FCHSD2: variants seen among roughly 807,000 people sequenced by gnomAD.
FCHSD2 encodes the protein F-BAR and double SH3 domains protein 2.
Under a neutral mutation model 108.1 loss-of-function variants are expected in FCHSD2, and 38 were observed. That is an observed-to-expected ratio of 0.35 (90% CI 0.27 to 0.46). The LOEUF (loss-of-function observed/expected upper bound fraction) is 0.46, where lower values mean the gene tolerates loss of function less well. Among genes scored for constraint, FCHSD2 ranks in the 20% least tolerant of loss-of-function variants. FCHSD2 has a pLI of 1.00. For synonymous variants in FCHSD2, 279 were observed against 314.7 expected (o/e 0.89, Z 1.20); for missense variants, 751 against 897.8 (o/e 0.84, Z 2.09).
At chr11:73,049,222 A>G (rs1858835276) in intron 3 of FCHSD2, among the ~76,000 whole-genome samples, 1 of 152,180 alleles carries the variant, frequency 6.6e-6, no homozygotes, top group Non-Finnish European at 1.5e-5. Context: ...ATTTAAAGTA[A>G]TAATAACACA....
intron 2 of FCHSD2, among the ~76,000 whole-genome samples, 198 bp from the exon 3 acceptor site, chr11:73,083,938 AC>A (rs1209453886): frequency 6.6e-6 from 1 of 152,208 alleles, no homozygotes; most frequent in Admixed American, 6.5e-5. Flanking sequence ...CCCCAGCTGT[AC>A]CACTTACTAG....
intron 12 of FCHSD2, among the ~76,000 whole-genome samples, chr11:72,883,171 T>C (rs752447992): frequency 6.6e-6 from 1 of 152,120 alleles, no homozygotes; most frequent in Non-Finnish European, 1.5e-5. Context: ...ACCTCAACAA[T>C]TTAACTAGAA....
At chr11:73,141,733 G>T in intron 1 of FCHSD2, 124 bp downstream of exon 1, 4 of 1,071,112 alleles carry the variant, frequency 3.7e-6, no homozygotes, top group South Asian at 1.6e-5. Context: ...GCAAGTCGGT[G>T]ACAAGCCCAA....
intron 2 of FCHSD2, among the ~76,000 whole-genome samples, chr11:73,136,687 T>C (rs1173254437): frequency 6.6e-6 from 1 of 152,132 alleles, no homozygotes; most frequent in African/African-American, 2.4e-5. Context: ...AGCACTAGTC[T>C]CAAAAGAGGA....
At chr11:72,984,955 T>C in intron 7 of FCHSD2, 107 bp downstream of exon 7, 1 of 556,626 alleles carries the variant, frequency 1.8e-6, no homozygotes, top group Non-Finnish European at 3.3e-6. Flanking sequence ...GACTTTAAAA[T>C]GCTTCTCTAA....
At chr11:73,009,091 A>T (rs556061897) in intron 4 of FCHSD2, among the ~76,000 whole-genome samples, 1 of 152,332 alleles carries the variant, frequency 6.6e-6, no homozygotes, top group East Asian at 1.9e-4. Context: ...TCTAATGCAA[A>T]TTGAGGTTTT....
intron 3 of FCHSD2, among the ~76,000 whole-genome samples, chr11:73,055,450 A>T (rs1037893513): frequency 1.3e-5 from 2 of 152,210 alleles, no homozygotes; most frequent in Non-Finnish European, 2.9e-5. Flanking sequence ...GCTCTTTATC[A>T]GGAGAAGTAT....
At chr11:72,900,251 A>T in intron 10 of FCHSD2, 1 of 654,010 alleles carries the variant, frequency 1.5e-6, no homozygotes, top group Non-Finnish European at 2.5e-6. Context: ...CCCACACCCC[A>T]TATACCTCAG....
At chr11:73,054,048 C>CA (rs1858964321) in intron 3 of FCHSD2, among the ~76,000 whole-genome samples, 2 of 152,108 alleles carry the variant, frequency 1.3e-5, no homozygotes, top group Non-Finnish European at 2.9e-5. Flanking sequence ...CACAGGTTGG[C>CA]AAATTCTAGC....
chr11:72,855,258 C>A (rs1861396728), intron 13 of FCHSD2, among the ~76,000 whole-genome samples: 1 of 149,228 alleles, frequency 6.7e-6, no homozygotes, highest in African/African-American at 2.5e-5. Context: ...GCCTGGGCAA[C>A]AAGAGCAAAA....
chr11:72,987,731 A>G (rs1401464946), intron 6 of FCHSD2, among the ~76,000 whole-genome samples: 1 of 152,172 alleles, frequency 6.6e-6, no homozygotes, highest in African/African-American at 2.4e-5. Flanking sequence ...GGCTGTGGCT[A>G]AATTATTTGT....
chr11:73,057,880 C>CTTTT (rs775650024), intron 3 of FCHSD2, among the ~76,000 whole-genome samples: 1 of 137,176 alleles, frequency 7.3e-6, no homozygotes, highest in Admixed American at 7.3e-5. Flanking sequence ...ATTCGGTATT[C>CTTTT]TTTTTTTTTT....
intron 8 of FCHSD2, among the ~76,000 whole-genome samples, chr11:72,933,084 C>T (rs1856227039): frequency 2.0e-5 from 3 of 152,034 alleles, no homozygotes; most frequent in Admixed American, 2.0e-4. Flanking sequence ...ACCTTGCATG[C>T]CTTCTTCTTC....
At chr11:73,085,697 T>C (rs555121955) in intron 2 of FCHSD2, among the ~76,000 whole-genome samples, 1 of 151,834 alleles carries the variant, frequency 6.6e-6, no homozygotes, top group East Asian at 1.9e-4. Flanking sequence ...ACCTACAACA[T>C]TTAAAAACTT....
At chr11:73,080,415 T>C (rs890296826) in intron 3 of FCHSD2, among the ~76,000 whole-genome samples, 3 of 152,042 alleles carry the variant, frequency 2.0e-5, no homozygotes, top group African/African-American at 7.2e-5. Flanking sequence ...CATTCATATT[T>C]ACACACAGAT....
Position 73,113,233 on chromosome 11 carries a change from T to A in FCHSD2, c.119+26798A>T, listed in dbSNP as rs1300111348. 1.3e-5 allele frequency among the ~76,000 whole-genome samples: 2 copies of A among 152,070 alleles called. 1 individual carries two copies. The highest frequency in any genetic ancestry group is 4.1e-4 in the South Asian group (2 of 4,826). ...CCTTCTCTGTGTTATCTCGAATTTCTTAGAGTTTCCTCAAAATAGCTATTT... is the reference window on the plus strand; with the variant it reads ...CCTTCTCTGTGTTATCTCGAATTTCATAGAGTTTCCTCAAAATAGCTATTT... On this transcript the variant is annotated intron_variant, in intron 2 of 19. Coordinates refer to ENST00000409418, the MANE Select transcript of FCHSD2 (RefSeq NM_014824.3).
intron 2 of FCHSD2, among the ~76,000 whole-genome samples, chr11:73,117,374 T>C (rs1860628793): frequency 6.6e-6 from 1 of 152,186 alleles, no homozygotes; most frequent in Non-Finnish European, 1.5e-5. Context: ...TAATGCATGA[T>C]TTATATTTTA....
chr11:73,021,233 TAAAA>T (rs1183952789), intron 3 of FCHSD2, among the ~76,000 whole-genome samples: 1 of 104,328 alleles, frequency 9.6e-6, no homozygotes, highest in Admixed American at 9.2e-5. Context: ...AAACATAGAA[TAAAA>T]AAAAAAAAAA....
chr11:72,967,873 C>T (rs1484001223), intron 8 of FCHSD2, among the ~76,000 whole-genome samples: 3 of 151,444 alleles, frequency 2.0e-5, no homozygotes, highest in African/African-American at 4.9e-5. Flanking sequence ...GGGCGGATCA[C>T]GAGGTCAGGA....
Sources: gnomAD v4.1 joint callset for allele counts (sites outside exome capture counted in the v4.1 genomes callset) on GRCh38, gnomAD v4.1.1 for gene constraint, MANE v1.5 for transcripts, NCBI Gene and HGNC (gene_info 2026-07-23, HGNC 2026-07-21) for gene names.